COL22A1: variants seen among roughly 807,000 people sequenced by gnomAD.
The protein encoded by COL22A1 is collagen alpha-1(XXII) chain.
Under a neutral mutation model 248.9 loss-of-function variants are expected in COL22A1, and 221 were observed. The observed-to-expected ratio is 0.89, with a 90% CI of 0.80 to 0.99. The LOEUF (loss-of-function observed/expected upper bound fraction) is 0.99, where lower values mean the gene tolerates loss of function less well. Among genes scored for constraint, COL22A1 ranks in the 50% least tolerant of loss-of-function variants. The pLI is 0.00. For synonymous variants in COL22A1, 891 were observed against 793.4 expected, an observed-to-expected ratio of 1.12 and a Z score of -2.07; for missense variants, 2,240 against 2,179.0, an observed-to-expected ratio of 1.03 and a Z score of -0.56.
intron 52 of COL22A1, among the ~76,000 whole-genome samples, chr8:138,622,871 G>A (rs1819918451): frequency 1.3e-5 from 2 of 151,932 alleles, no homozygotes; most frequent in African/African-American, 4.8e-5. Flanking sequence ...ATACTGGTGG[G>A]CATTTGGAGA....
At chr8:138,880,270 T>C (rs1824091293) in intron 2 of COL22A1, among the ~76,000 whole-genome samples, 1 of 152,180 alleles carries the variant, frequency 6.6e-6, no homozygotes, top group South Asian at 2.1e-4. Flanking sequence ...TTTTCCAATA[T>C]ACCATTGGGT....
intron 30 of COL22A1, among the ~76,000 whole-genome samples, chr8:138,714,948 T>C (rs1006902917): frequency 2.0e-5 from 3 of 152,114 alleles, no homozygotes; most frequent in African/African-American, 7.2e-5. Context: ...GGTGCCTCCA[T>C]TGCCCTCACA....
At chr8:138,786,134 T>C (rs1368611322) in intron 12 of COL22A1, among the ~76,000 whole-genome samples, 1 of 152,162 alleles carries the variant, frequency 6.6e-6, no homozygotes, top group African/African-American at 2.4e-5. Context: ...TCAACCTAAC[T>C]TCAGAATTGG....
intron 3 of COL22A1, among the ~76,000 whole-genome samples, chr8:138,873,155 G>A (rs1400220671): frequency 1.3e-5 from 2 of 152,086 alleles, no homozygotes; most frequent in South Asian, 2.1e-4. Context: ...TCCTGGACAG[G>A]CCACTCAGCC....
chr8:138,615,046 C>T lies in COL22A1; in HGVS notation c.3924+955G>A, dbSNP rs190907445. ...CCAATCGGCCAGTTCCATGATGCCA[C>T]TCTGCATCTCACACGTCCAGCCACC... is the stretch of plus-strand genomic sequence containing the variant. On this transcript the variant is annotated intron_variant, in intron 55 of 64. Transcript: ENST00000303045. Among the ~76,000 whole-genome samples, 20 of 152,306 alleles carry T rather than the reference C, an allele frequency of 1.3e-4. No individual in the cohort carries two copies. In the East Asian group the frequency reaches 3.3e-3, roughly 25 times the overall value.
At chr8:138,816,562 G>T (rs1818704399) in intron 7 of COL22A1, among the ~76,000 whole-genome samples, 1 of 152,178 alleles carries the variant, frequency 6.6e-6, no homozygotes, top group African/African-American at 2.4e-5. Flanking sequence ...CAGACAGCTG[G>T]AAGGCTGCAT....
chr8:138,692,490 T>C (rs1398375936), intron 35 of COL22A1, among the ~76,000 whole-genome samples: 35 of 150,368 alleles, frequency 2.3e-4, no homozygotes, highest in Admixed American at 7.9e-4. Context: ...TGTGTGTGTG[T>C]GTGTGTGTGT....
At position 138,589,152 on chromosome 8, in the gene COL22A1, A is replaced by G. The variant is rs903754180; in HGVS notation, c.*101T>C. The G allele has an allele frequency of 4.7e-6, 5 of 1,071,052 alleles. No individual in the cohort carries two copies. The highest frequency in any genetic ancestry group is 6.2e-5 in the Admixed American group (2 of 32,394). 66.3% of individuals were successfully genotyped at this position (1,071,052 alleles called of 1,614,324 possible). On this transcript the variant is annotated 3_prime_UTR_variant, in exon 65 of 65. Coordinates refer to ENST00000303045, the MANE Select transcript of COL22A1 (RefSeq NM_152888.3). ...AAACGATAAAAGAAAGAAAAAAAAA[A>G]GGAACACATGGCTGAAGTCTTTCAA...
chr8:138,846,877 TTCAGGG>T (rs1189141246), intron 3 of COL22A1, among the ~76,000 whole-genome samples: 1 of 152,238 alleles, frequency 6.6e-6, no homozygotes, highest in East Asian at 1.9e-4. Flanking sequence ...ATTCCCTGCC[TTCAGGG>T]CATTGCAGGG....
rs148620342 is a variant in COL22A1, at chr8:138,882,986, A to G, written c.91+96T>C. 70 of 1,091,154 alleles carry G rather than the reference A, an allele frequency of 6.4e-5. No homozygotes were observed. In the African/African-American group the frequency reaches 9.8e-4, roughly 15 times the overall value. 67.6% of individuals were successfully genotyped at this position (1,091,154 alleles called of 1,614,324 possible). On this transcript the variant is annotated intron_variant, in intron 2 of 64. Transcript: ENST00000303045. ...CCTCTCTCTCACACAGTCAGTTGTG[A>G]ACTCACTTGCATGCACACACCACAG...
At chr8:138,710,844 T>C (rs979148549) in intron 30 of COL22A1, among the ~76,000 whole-genome samples, 1 of 152,174 alleles carries the variant, frequency 6.6e-6, no homozygotes, top group African/African-American at 2.4e-5. Context: ...CCTGACATTG[T>C]TGAACTCAAG....
At chr8:138,775,276 G>C (rs1389138078) in intron 16 of COL22A1, among the ~76,000 whole-genome samples, 2 of 152,188 alleles carry the variant, frequency 1.3e-5, no homozygotes, top group African/African-American at 4.8e-5. Context: ...AGGTGGAGCT[G>C]GGTGGGAGTT....
rs186175398 is a variant in COL22A1 at position 138,760,335 on chromosome 8, G to A, written c.1858-48C>T. 158 of 1,539,268 alleles carry A rather than the reference G, an allele frequency of 1.0e-4. 3 individuals are homozygous for A. The Admixed American group carries it at 1.8e-3, about 18-fold the overall frequency. ...AGATTATGATGGGCACTACGGATAC[G>A]GTGGTGGGGTGTTGGGGAGAAACAG... is the stretch of plus-strand genomic sequence containing the variant. On this transcript the variant is annotated intron_variant, in intron 17 of 64. Coordinates refer to ENST00000303045, the MANE Select transcript of COL22A1 (RefSeq NM_152888.3).
At chr8:138,858,894 G>A (rs1041473116) in intron 3 of COL22A1, among the ~76,000 whole-genome samples, 1 of 152,168 alleles carries the variant, frequency 6.6e-6, no homozygotes, top group African/African-American at 2.4e-5. Context: ...CCCTGGAGAG[G>A]AGATAGGCCT....
intron 25 of COL22A1, 81 bp from the exon 26 acceptor site, chr8:138,722,170 G>A (rs1829917963): frequency 1.6e-6 from 2 of 1,265,990 alleles, no homozygotes; most frequent in Middle Eastern, 1.9e-4. Context: ...CAAACCAGGA[G>A]CTGTTTTTGC....
intron 3 of COL22A1, among the ~76,000 whole-genome samples, chr8:138,868,732 T>TC (rs1823088928): frequency 7.9e-6 from 1 of 125,978 alleles, no homozygotes; most frequent in South Asian, 2.7e-4. Flanking sequence ...ATCATTGTCC[T>TC]CCTTTTTTTT....
chr8:138,629,259 C>T lies in COL22A1; in HGVS notation c.3663+1436G>A, dbSNP rs186894477. The stretch of plus-strand genomic sequence containing the variant: ...GCAGTCTCTGCCTCCCAGGTTCAAG[C>T]GATTCTCCTGCTTCAGCCTCCCAAG... On this transcript the variant is annotated intron_variant, in intron 50 of 64. Coordinates refer to ENST00000303045, the MANE Select transcript of COL22A1 (RefSeq NM_152888.3). 4.0e-3 allele frequency among the ~76,000 whole-genome samples: 615 copies of T among 152,204 alleles called. 3 individuals are homozygous for T. Among genetic ancestry groups the T allele is most frequent in the East Asian group, 4.6e-3 (24 of 5,168 alleles).
chr8:138,726,326 C>T (rs1390124977), intron 23 of COL22A1, among the ~76,000 whole-genome samples: 1 of 151,530 alleles, frequency 6.6e-6, no homozygotes, highest in East Asian at 1.9e-4. Flanking sequence ...ACCCTATCTC[C>T]CTAGAAATAA....
intron 50 of COL22A1, among the ~76,000 whole-genome samples, 162 bp from the exon 51 acceptor site, chr8:138,626,405 C>A (rs949892563): frequency 2.0e-5 from 3 of 152,184 alleles, no homozygotes; most frequent in Non-Finnish European, 4.4e-5. Context: ...GCTGTTTCCC[C>A]CAAGGCAGTG....
Sources: allele counts gnomAD v4.1 joint callset (sites outside exome capture counted in the v4.1 genomes callset), GRCh38; gene constraint gnomAD v4.1.1; transcripts MANE v1.5; gene names NCBI Gene and HGNC (gene_info 2026-07-23, HGNC 2026-07-21).